The following SLC44A5 variants were observed in gnomAD, a reference collection of about 807,000 sequenced individuals.
SLC44A5 encodes choline transporter-like protein 5.
Under a neutral mutation model 101.8 loss-of-function variants are expected in SLC44A5, and 57 were observed. The observed-to-expected ratio is 0.56, with a 90% CI of 0.45 to 0.70. The LOEUF is 0.70. SLC44A5 is among the 30% of genes least tolerant of loss of function. The pLI is 0.00. For missense variants in SLC44A5, 737 were observed against 853.1 expected (o/e 0.86, Z 1.70); for synonymous variants, 281 against 290.9 (o/e 0.97, Z 0.35).
chr1:75,237,499 G>A (rs943710520), intron 10 of SLC44A5, among the ~76,000 whole-genome samples: 1 of 152,004 alleles, frequency 6.6e-6, no homozygotes, highest in Non-Finnish European at 1.5e-5. Context: ...AATCATCACT[G>A]TCCAATTTGA....
chr1:75,585,384 T>C (rs1397173958), intron 1 of SLC44A5, among the ~76,000 whole-genome samples: 4 of 152,258 alleles, frequency 2.6e-5, no homozygotes, highest in African/African-American at 9.6e-5. Flanking sequence ...AGTTTTATAC[T>C]ATATCAAAAA....
chr1:75,319,210 A>G (rs1655949934), intron 4 of SLC44A5, among the ~76,000 whole-genome samples: 1 of 152,186 alleles, frequency 6.6e-6, no homozygotes, highest in African/African-American at 2.4e-5. Flanking sequence ...AAAGAAAAGT[A>G]CAATCTTTCC....
At chr1:75,439,319 T>A (rs1665062358) in intron 2 of SLC44A5, among the ~76,000 whole-genome samples, 1 of 152,132 alleles carries the variant, frequency 6.6e-6, no homozygotes, top group South Asian at 2.1e-4. Context: ...TCTGTTTATA[T>A]AAGTTGACTA....
chr1:75,476,765 G>A (rs979629815), intron 2 of SLC44A5, among the ~76,000 whole-genome samples: 7 of 152,238 alleles, frequency 4.6e-5, no homozygotes, highest in Admixed American at 2.6e-4. Flanking sequence ...GAACTGGGTG[G>A]AGCCCACCAC....
intron 2 of SLC44A5, among the ~76,000 whole-genome samples, chr1:75,505,387 G>A (rs1669195169): frequency 6.6e-6 from 1 of 152,104 alleles, no homozygotes; most frequent in African/African-American, 2.4e-5. Context: ...GGGATAGCTG[G>A]AATAAATTGT....
At chr1:75,680,078 T>C in the SLC44A5 span, among the ~76,000 whole-genome samples, 1 of 152,198 alleles carries the variant, frequency 6.6e-6, no homozygotes, top group South Asian at 2.1e-4. Flanking sequence ...TAAATATACA[T>C]GCACCCAATA....
intron 2 of SLC44A5, among the ~76,000 whole-genome samples, chr1:75,484,901 C>T (rs1213020294): frequency 1.3e-5 from 2 of 152,228 alleles, no homozygotes; most frequent in African/African-American, 4.8e-5. Flanking sequence ...CCCCTTTTAG[C>T]CACAACTGGA....
intron 2 of SLC44A5, among the ~76,000 whole-genome samples, chr1:75,443,378 A>C (rs1301310432): frequency 6.6e-6 from 1 of 152,004 alleles, no homozygotes; most frequent in Non-Finnish European, 1.5e-5. Flanking sequence ...TACATAAAAA[A>C]AGAAAACACA....
intron 4 of SLC44A5, among the ~76,000 whole-genome samples, chr1:75,328,382 A>G (rs1243515194): frequency 6.6e-6 from 1 of 152,188 alleles, no homozygotes; most frequent in Non-Finnish European, 1.5e-5. Context: ...AGTTTCTCTA[A>G]AAAGAGGAGA....
At chr1:75,399,063 G>T (rs1441007818) in intron 2 of SLC44A5, among the ~76,000 whole-genome samples, 3 of 151,882 alleles carry the variant, frequency 2.0e-5, no homozygotes, top group Non-Finnish European at 4.4e-5. Context: ...TGCTTGGAAG[G>T]TCTGTTCAGG....
chr1:75,500,423 A>G (rs1234891464), intron 2 of SLC44A5, among the ~76,000 whole-genome samples: 3 of 152,054 alleles, frequency 2.0e-5, no homozygotes, highest in Non-Finnish European at 2.9e-5. Flanking sequence ...AAACAAAAGT[A>G]ATATTTACCA....
chr1:75,572,754 G>A (rs1312889575), intron 1 of SLC44A5, among the ~76,000 whole-genome samples: 1 of 151,994 alleles, frequency 6.6e-6, no homozygotes, highest in East Asian at 1.9e-4. Flanking sequence ...ACAGACTATT[G>A]ATATGATCAT....
At chr1:75,350,905 A>C (rs915493215) in intron 3 of SLC44A5, among the ~76,000 whole-genome samples, 1 of 151,656 alleles carries the variant, frequency 6.6e-6, no homozygotes, top group Admixed American at 6.6e-5. Context: ...AAAAAAAAAA[A>C]AAAAAAGACA....
At position 75,482,273 on chromosome 1, in the gene SLC44A5, G is replaced by T. The variant is rs1266906394; in HGVS notation, c.13+59162C>A. ...CATCACACTCTAGGGACTGTTGTGG[G>T]GTGGGGGGACGGGGGAGGGATAGCA... On this transcript the variant is annotated intron_variant, in intron 2 of 23. Coordinates refer to ENST00000370859, the MANE Select transcript of SLC44A5 (RefSeq NM_001130058.2). 2.6e-5 allele frequency among the ~76,000 whole-genome samples: 4 copies of T among 151,816 alleles called. No individual in the cohort carries two copies. In the South Asian group the frequency reaches 6.3e-4, roughly 24 times the overall value.
At chr1:75,464,491 G>C (rs2101706824) in intron 2 of SLC44A5, among the ~76,000 whole-genome samples, 1 of 151,878 alleles carries the variant, frequency 6.6e-6, no homozygotes, top group Admixed American at 6.6e-5. Flanking sequence ...GAAGGAAAGG[G>C]AAGAAAAGAC....
intron 2 of SLC44A5, among the ~76,000 whole-genome samples, chr1:75,516,858 A>G (rs1213116886): frequency 6.6e-6 from 1 of 152,200 alleles, no homozygotes; most frequent in Non-Finnish European, 1.5e-5. Flanking sequence ...ATCATTTAAA[A>G]TCTATTTCAA....
At chr1:75,280,334 T>A (rs1363324746) in intron 5 of SLC44A5, among the ~76,000 whole-genome samples, 1 of 106,638 alleles carries the variant, frequency 9.4e-6, no homozygotes, top group Non-Finnish European at 1.7e-5. Flanking sequence ...TATTATATAT[T>A]GTATATATAA....
chr1:75,213,571 C>A, intron 22 of SLC44A5, 134 bp downstream of exon 22: 2 of 666,456 alleles, frequency 3.0e-6, no homozygotes, highest in South Asian at 3.8e-5. Context: ...CACCAGAAAT[C>A]AAGTTGGCTG....
chr1:75,631,539 ATTTTTTTTTTT>A, the SLC44A5 span, among the ~76,000 whole-genome samples: 1 of 80,850 alleles, frequency 1.2e-5, no homozygotes, highest in Non-Finnish European at 2.2e-5. Context: ...CACCTGGCTA[ATTTTTTTTTTT>A]TTTTTTTTTT....
Sources: gnomAD v4.1 joint callset for allele counts (sites outside exome capture counted in the v4.1 genomes callset) on GRCh38, gnomAD v4.1.1 for gene constraint, MANE v1.5 for transcripts, NCBI Gene and HGNC (gene_info 2026-07-23, HGNC 2026-07-21) for gene names.